Variants in KANK4 observed in about 807,000 individuals in gnomAD.
KANK4 encodes KN motif and ankyrin repeat domains 4, also known as KN motif and ankyrin repeat domain-containing protein 4.
Under a neutral mutation model 80.8 loss-of-function variants are expected in KANK4, and 50 were observed. That is an observed-to-expected ratio of 0.62 (90% CI 0.49 to 0.78). The LOEUF is 0.78. Ranked by LOEUF, KANK4 falls within the 30% of genes least tolerant of loss-of-function variation. The probability of loss-of-function intolerance (pLI) is 0.00; values close to 1 mark genes in which losing one functional copy is unlikely to be tolerated. For missense variants in KANK4, 1,196 were observed against 1,240.1 expected (o/e 0.96, Z 0.53); for synonymous variants, 465 against 506.9 (o/e 0.92, Z 1.11).
intron 6 of KANK4, among the ~76,000 whole-genome samples, chr1:62,266,487 C>T (rs1050495269): frequency 2.6e-5 from 4 of 151,416 alleles, no homozygotes; most frequent in African/African-American, 9.7e-5. Flanking sequence ...ATTCACACCA[C>T]TGCCTCACAC....
chr1:62,300,636 C>T (rs1246648447), intron 1 of KANK4, among the ~76,000 whole-genome samples: 3 of 151,974 alleles, frequency 2.0e-5, no homozygotes, highest in Non-Finnish European at 4.4e-5. Context: ...AGTACAGGGT[C>T]GGGGAAGCGG....
At chr1:62,246,355 T>C (rs1671465688) in intron 9 of KANK4, among the ~76,000 whole-genome samples, 1 of 152,182 alleles carries the variant, frequency 6.6e-6, no homozygotes, top group South Asian at 2.1e-4. Flanking sequence ...GTTAAGTGAC[T>C]ACAGAGATGA....
chr1:62,255,160 C>T (rs1305160899), intron 7 of KANK4, among the ~76,000 whole-genome samples: 2 of 152,126 alleles, frequency 1.3e-5, no homozygotes, highest in East Asian at 1.9e-4. Context: ...GCTGGGATTA[C>T]AGGCATGAGC....
chr1:62,269,650 C>T (rs1410921482), intron 4 of KANK4, among the ~76,000 whole-genome samples: 1 of 152,206 alleles, frequency 6.6e-6, no homozygotes, highest in Non-Finnish European at 1.5e-5. Flanking sequence ...TGAGCACCTA[C>T]TATATGCCAG....
chr1:62,239,355 C>T (rs1671284658), intron 9 of KANK4, among the ~76,000 whole-genome samples: 1 of 151,980 alleles, frequency 6.6e-6, no homozygotes, highest in Admixed American at 6.6e-5. Context: ...TTCTTTTTGG[C>T]TGTGTAATAT....
chr1:62,242,038 G>T (rs896442953), intron 9 of KANK4, among the ~76,000 whole-genome samples: 10 of 152,272 alleles, frequency 6.6e-5, no homozygotes, highest in South Asian at 2.1e-4. Flanking sequence ...AGATGCCTCT[G>T]CCAGAACTCT....
intron 1 of KANK4, among the ~76,000 whole-genome samples, chr1:62,282,050 T>C (rs1442513114): frequency 2.0e-5 from 3 of 152,132 alleles, no homozygotes; most frequent in African/African-American, 4.8e-5. Flanking sequence ...AAGGGACTTA[T>C]AATCCACTTT....
intron 4 of KANK4, among the ~76,000 whole-genome samples, chr1:62,270,226 C>T (rs59318560): frequency 6.6e-6 from 1 of 152,014 alleles, no homozygotes; most frequent in Admixed American, 6.6e-5. Context: ...GGCGTTTCAG[C>T]TGGGGAGAGA....
rs1672171700 is a variant in KANK4 at position 62,271,858 on chromosome 1, C to G, written c.1901-269G>C. The G allele has an allele frequency of 5.2e-5, 19 of 365,884 alleles. No individual in the cohort carries two copies. The South Asian group carries it at 5.2e-4, about 10-fold the overall frequency. 22.7% of individuals were successfully genotyped at this position (365,884 alleles called of 1,614,324 possible). A position where few individuals can be genotyped will look rare whatever the true frequency, so the allele number is the denominator to read the frequency against. ...GCGTAGGTGCCATTGTTGTCCCTGT[C>G]TTACAGCTGGGAAATCTGAGGCCCA... On this transcript the variant is annotated intron_variant, in intron 3 of 9. Coordinates refer to ENST00000371153, the MANE Select transcript of KANK4 (RefSeq NM_181712.5).
At chr1:62,316,159 G>T (rs7541472) in intron 1 of KANK4, among the ~76,000 whole-genome samples, 3 of 152,318 alleles carry the variant, frequency 2.0e-5, no homozygotes, top group African/African-American at 7.2e-5. Context: ...GCGTCCCCCA[G>T]TCTGGCCCAC....
chr1:62,295,200 G>A (rs374017482), intron 1 of KANK4, among the ~76,000 whole-genome samples: 56 of 151,782 alleles, frequency 3.7e-4, no homozygotes, highest in African/African-American at 1.2e-3. Flanking sequence ...GTGCAGTGGC[G>A]CCATCTTGGC....
chr1:62,248,949 G>A (rs1293085468), intron 8 of KANK4, among the ~76,000 whole-genome samples: 1 of 149,028 alleles, frequency 6.7e-6, no homozygotes, highest in African/African-American at 2.5e-5. Flanking sequence ...GATCACCTGA[G>A]GTCAGGAGTT....
chr1:62,264,504 C>T (rs745884857), intron 6 of KANK4, among the ~76,000 whole-genome samples: 12 of 152,184 alleles, frequency 7.9e-5, no homozygotes, highest in Non-Finnish European at 1.8e-4. Context: ...CTTACTTGTC[C>T]TGTTATAAAA....
chr1:62,240,862 C>G (rs1343721821), intron 9 of KANK4, among the ~76,000 whole-genome samples: 2 of 152,118 alleles, frequency 1.3e-5, no homozygotes, highest in Non-Finnish European at 2.9e-5. Context: ...ACCGGCCTGA[C>G]TGAGCAGCTG....
At chr1:62,297,870 T>C (rs1644380173) in intron 1 of KANK4, among the ~76,000 whole-genome samples, 2 of 152,236 alleles carry the variant, frequency 1.3e-5, no homozygotes, top group Non-Finnish European at 2.9e-5. Flanking sequence ...TACACAGATA[T>C]CCATTTCATA....
In KANK4 at chr1:62,273,228, C is replaced by T; in HGVS notation, c.1876G>A (p.Ala626Thr). Reference protein sequence around the residue: ...AQAHPPKEPPASSSSPPVEIS... With the variant: ...AQAHPPKEPPTSSSSPPVEIS... ...CCCACTGGCGGGGAGGAGGAGGAGG[C>T]CGGTGGCTCCTTGGGTGGGTGAGCC... The change falls in exon 3 of 10, where the codon GCC (alanine) becomes ACC (threonine). Residue 626 changes from alanine to threonine, a missense_variant. By Grantham distance (58) the Ala-to-Thr change is moderately conservative. Coordinates refer to ENST00000371153, the MANE Select transcript of KANK4 (RefSeq NM_181712.5). The T allele has an allele frequency of 6.6e-7, 1 of 1,515,314 alleles. No individual in the cohort carries two copies. The highest frequency in any genetic ancestry group is 8.8e-7 in the Non-Finnish European group (1 of 1,131,932). The allele number at this position is 1,515,314 out of a possible 1,614,324, so 93.9% of individuals were successfully genotyped here. A position where few individuals can be genotyped will look rare whatever the true frequency, so the allele number is the denominator to read the frequency against.
intron 9 of KANK4, among the ~76,000 whole-genome samples, chr1:62,239,998 A>T (rs1020447228): frequency 2.6e-5 from 4 of 152,224 alleles, no homozygotes; most frequent in Non-Finnish European, 5.9e-5. Context: ...TCTTTATAGC[A>T]GCATGATTTA....
At chr1:62,304,816 A>T (rs897187543) in intron 1 of KANK4, among the ~76,000 whole-genome samples, 2 of 152,044 alleles carry the variant, frequency 1.3e-5, no homozygotes, top group African/African-American at 4.8e-5. Flanking sequence ...GGAAATCCAG[A>T]TCCTAACTCA....
At chr1:62,299,811 G>C (rs745399158) in intron 1 of KANK4, among the ~76,000 whole-genome samples, 3 of 151,684 alleles carry the variant, frequency 2.0e-5, no homozygotes, top group Non-Finnish European at 4.4e-5. Context: ...GAGTGGGAGA[G>C]AGATGTTCAC....
Sources: gnomAD v4.1 joint callset for allele counts (sites outside exome capture counted in the v4.1 genomes callset) on GRCh38, gnomAD v4.1.1 for gene constraint, MANE v1.5 for transcripts, NCBI Gene and HGNC (gene_info 2026-07-23, HGNC 2026-07-21) for gene names.